Variants in SLC2A7 observed in about 807,000 individuals in gnomAD.
SLC2A7 encodes the protein solute carrier family 2, facilitated glucose transporter member 7.
A neutral mutation model predicts 50.5 loss-of-function variants in SLC2A7; 50 were observed. The observed-to-expected ratio is 0.99, with a 90% CI of 0.79 to 1.25. The LOEUF (loss-of-function observed/expected upper bound fraction) is 1.25, where lower values mean the gene tolerates loss of function less well. Among genes scored for constraint, SLC2A7 ranks in the 50% most tolerant of loss-of-function variants. SLC2A7 has a pLI of 0.00. For synonymous variants in SLC2A7, 308 were observed against 300.4 expected, an observed-to-expected ratio of 1.03 and a Z score of -0.26; for missense variants, 683 against 679.1, an observed-to-expected ratio of 1.01 and a Z score of -0.06.
At chr1:8,992,545 CTTTT>C in the SLC2A7 span, among the ~76,000 whole-genome samples, 2 of 151,654 alleles carry the variant, frequency 1.3e-5, no homozygotes, top group African/African-American at 4.8e-5. Flanking sequence ...TTCTTTCTTT[CTTTT>C]TTGTGCTCAT....
In SLC2A7 at chr1:9,021,002, T is replaced by C. The variant is rs112670780; in HGVS notation, c.312-1669A>G. On this transcript the variant is annotated intron_variant, in intron 3 of 11. Transcript: ENST00000400906. Reference sequence around the variant, plus strand: ...TGATTGTGAGGCTTTCCCAGCCACGTGGAACTGTGAGTCCATTAAACCTCT... The same window carrying C: ...TGATTGTGAGGCTTTCCCAGCCACGCGGAACTGTGAGTCCATTAAACCTCT... 9.5e-4 allele frequency among the ~76,000 whole-genome samples: 145 copies of C among 152,280 alleles called. 1 individual carries two copies. Among genetic ancestry groups the C allele is most frequent in the African/African-American group, 3.4e-3 (143 of 41,550 alleles).
At chr1:9,024,954 C>G in intron 2 of SLC2A7, 22 bp downstream of exon 2, 1 of 1,610,416 alleles carries the variant, frequency 6.2e-7, no homozygotes, top group Non-Finnish European at 8.5e-7. Context: ...CCCGGCCCAC[C>G]TTGTGCCCAC....
intron 2 of SLC2A7, among the ~76,000 whole-genome samples, chr1:9,023,462 C>T (rs1490012735): frequency 6.6e-6 from 1 of 152,048 alleles, no homozygotes; most frequent in Non-Finnish European, 1.5e-5. Context: ...AAAAAATTAG[C>T]TGGGCGTGGT....
At chr1:9,018,562 C>A (rs1422214950) in intron 4 of SLC2A7, among the ~76,000 whole-genome samples, 187 bp from the exon 5 acceptor site, 2 of 152,234 alleles carry the variant, frequency 1.3e-5, no homozygotes, top group African/African-American at 4.8e-5. Flanking sequence ...CCTCAGCCCC[C>A]ACGGGGGAGT....
At chr1:9,004,211 T>TG (rs1640618190) in intron 11 of SLC2A7, among the ~76,000 whole-genome samples, 1 of 151,794 alleles carries the variant, frequency 6.6e-6, no homozygotes, top group Non-Finnish European at 1.5e-5. Context: ...CCCATGCCTG[T>TG]GGTCCCAGCG....
rs758779294 is a variant in SLC2A7, at chr1:9,014,843, C to T, written c.741G>A (p.Thr247=). The change falls in exon 7 of 12, where the codon ACG becomes ACA. Residue 247 remains threonine (T), a synonymous_variant. Coordinates refer to ENST00000400906, the MANE Select transcript of SLC2A7 (RefSeq NM_207420.3). ...RQALRRLRGH[T]DMEAELEDMR... The stretch of plus-strand genomic sequence containing the variant: ...TGTCCTCCAGCTCGGCCTCCATGTC[C>T]GTGTGGCCTCTCAGCCTCCTCAGAG... 36 of 1,603,386 alleles carry T rather than the reference C, an allele frequency of 2.2e-5. No homozygotes were observed. Among genetic ancestry groups the T allele is most frequent in the East Asian group, 4.5e-5 (2 of 44,452 alleles).
At chr1:9,025,098 G>A (rs761796268) in intron 1 of SLC2A7, 24 bp from the exon 2 acceptor site, 5 of 1,610,724 alleles carry the variant, frequency 3.1e-6, no homozygotes, top group African/African-American at 1.3e-5. Flanking sequence ...GTCCAAGGTC[G>A]GGACGCTGTG....
chr1:8,996,544 T>C, the SLC2A7 span, among the ~76,000 whole-genome samples: 3 of 152,226 alleles, frequency 2.0e-5, no homozygotes, highest in Non-Finnish European at 4.4e-5. Flanking sequence ...ATACCTAGGA[T>C]TGGAATGGCT....
At chr1:9,017,284 C>T (rs935048684) in intron 5 of SLC2A7, among the ~76,000 whole-genome samples, 2 of 152,216 alleles carry the variant, frequency 1.3e-5, no homozygotes, top group African/African-American at 2.4e-5. Flanking sequence ...CGCGCCATTG[C>T]ACTCCAGCCT....
At chr1:9,010,279 G>A in intron 8 of SLC2A7, 35 bp from the exon 9 acceptor site, 1 of 1,529,980 alleles carries the variant, frequency 6.5e-7, no homozygotes, top group South Asian at 1.2e-5. Flanking sequence ...AAGCCGCCTT[G>A]GCCTGGCGCC....
chr1:9,024,638 C>T (rs577933128), intron 2 of SLC2A7, among the ~76,000 whole-genome samples: 2 of 152,284 alleles, frequency 1.3e-5, no homozygotes, highest in South Asian at 4.1e-4. Context: ...AGAGTTCAAT[C>T]TTTGACCCCA....
Position 9,023,821 on chromosome 1 carries a change from T to C in SLC2A7, c.151-743A>G, listed in dbSNP as rs546710027. On this transcript the variant is annotated intron_variant, in intron 2 of 11. Transcript: ENST00000400906. ...ACGACTTACTCTGCCAGAGGCACCA[T>C]AGGAAATATTCTTCTTCTTTTTTTT... 2.1e-5 allele frequency among the ~76,000 whole-genome samples: 3 copies of C among 141,468 alleles called. No individual in the cohort carries two copies. The East Asian group carries it at 6.7e-4, about 32-fold the overall frequency. 92.8% of individuals were successfully genotyped at this position (141,468 alleles called of 152,430 possible).
Position 9,024,858 on chromosome 1 carries a change from A to G in SLC2A7, c.150+118T>C. The G allele has an allele frequency of 1.7e-6, 2 of 1,144,740 alleles. 1 individual carries two copies. Among genetic ancestry groups the G allele is most frequent in the South Asian group, 2.8e-5 (2 of 72,702 alleles). The allele number at this position is 1,144,740 out of a possible 1,614,324, so 70.9% of individuals were successfully genotyped here. ...GGGCAAGCTGGCTGCTCCCAAAGGC[A>G]AGATGGTGCCTCCTACAGGCAAGAT... On this transcript the variant is annotated intron_variant, in intron 2 of 11. Transcript: ENST00000400906.
chr1:9,025,618 C>T (rs959816797), intron 1 of SLC2A7, among the ~76,000 whole-genome samples: 1 of 152,244 alleles, frequency 6.6e-6, no homozygotes, highest in Admixed American at 6.5e-5. Context: ...GTGTAAGCAT[C>T]GGGGGGAAGA....
intron 4 of SLC2A7, 109 bp downstream of exon 4, chr1:9,019,100 T>C: frequency 1.4e-6 from 2 of 1,446,460 alleles, no homozygotes; most frequent in Non-Finnish European, 1.9e-6. Context: ...GAGGACGTCT[T>C]GAAATGAAAA....
At chr1:8,996,726 G>C in the SLC2A7 span, among the ~76,000 whole-genome samples, 2 of 152,140 alleles carry the variant, frequency 1.3e-5, no homozygotes, top group Non-Finnish European at 2.9e-5. Context: ...AACAAGATGT[G>C]CAGTGGTGTC....
intron 9 of SLC2A7, 42 bp from the exon 10 acceptor site, chr1:9,007,427 C>G: frequency 6.2e-7 from 1 of 1,604,962 alleles, no homozygotes; most frequent in Non-Finnish European, 8.5e-7. Flanking sequence ...GGCCAGGAGC[C>G]CCACGTGCGG....
At position 9,008,744 on chromosome 1, in the gene SLC2A7, ACG is replaced by A. The variant is rs1640697321; in HGVS notation, c.1117-1361_1117-1360del. 2.0e-5 allele frequency among the ~76,000 whole-genome samples: 3 copies of A among 151,854 alleles called. No individual in the cohort carries two copies. Among genetic ancestry groups the A allele is most frequent in the Non-Finnish European group, 4.4e-5 (3 of 67,958 alleles). On this transcript the variant is annotated intron_variant, in intron 9 of 11. Transcript: ENST00000400906. This position sits in a 1 kb window ranked among gnomAD's most constrained non-coding sequence, Gnocchi z 5.9. ...CCCGAGTAACTGGGATTACAGGCAC[ACG>A]CCACCACACCCGACTAAATTTTGTA...
At chr1:9,016,714 A>C (rs1640835906) in intron 5 of SLC2A7, among the ~76,000 whole-genome samples, 1 of 152,084 alleles carries the variant, frequency 6.6e-6, no homozygotes, top group South Asian at 2.1e-4. Flanking sequence ...AAAGGAAAGA[A>C]GGGAAAGAGA....
Sources: gnomAD v4.1 joint callset for allele counts (sites outside exome capture counted in the v4.1 genomes callset) on GRCh38, gnomAD v4.1.1 for gene constraint, Gnocchi (gnomAD v3.1) non-coding constraint, MANE v1.5 for transcripts, NCBI Gene and HGNC (gene_info 2026-07-23, HGNC 2026-07-21) for gene names.